The following GPM6A variants were observed in gnomAD, a reference collection of about 807,000 sequenced individuals.
GPM6A encodes the protein neuronal membrane glycoprotein M6-a.
A neutral mutation model predicts 32.1 loss-of-function variants in GPM6A; 7 were observed. The observed-to-expected ratio is 0.22, with a 90% CI of 0.12 to 0.41. The LOEUF (loss-of-function observed/expected upper bound fraction) is 0.41. Among genes scored for constraint, GPM6A ranks in the 10% least tolerant of loss-of-function variants. The pLI is 1.00. For missense variants in GPM6A, 235 were observed against 347.2 expected, an observed-to-expected ratio of 0.68 and a Z score of 2.57; for synonymous variants, 130 against 123.4, an observed-to-expected ratio of 1.05 and a Z score of -0.35.
intron 1 of GPM6A, among the ~76,000 whole-genome samples, chr4:175,864,317 T>C (rs1224379207): frequency 1.3e-5 from 2 of 152,064 alleles, no homozygotes; most frequent in Non-Finnish European, 2.9e-5. Flanking sequence ...CAGGAGCATG[T>C]CACCATGCTC....
intron 1 of GPM6A, among the ~76,000 whole-genome samples, chr4:175,778,946 A>T (rs890685851): frequency 6.6e-6 from 1 of 151,698 alleles, no homozygotes; most frequent in Non-Finnish European, 1.5e-5. Context: ...ATACATAAGT[A>T]TATATATCAA....
At chr4:175,869,643 A>G (rs994736269) in intron 1 of GPM6A, among the ~76,000 whole-genome samples, 1 of 151,964 alleles carries the variant, frequency 6.6e-6, no homozygotes, top group Non-Finnish European at 1.5e-5. Flanking sequence ...TGTAGTCTCA[A>G]CTATTCAGGA....
intron 1 of GPM6A, among the ~76,000 whole-genome samples, chr4:175,864,048 C>T (rs1736656471): frequency 1.3e-5 from 2 of 152,108 alleles, no homozygotes; most frequent in African/African-American, 2.4e-5. Flanking sequence ...CCATTGCCAA[C>T]ATGCTGTGCT....
chr4:175,765,085 G>A (rs1049667573), intron 1 of GPM6A, among the ~76,000 whole-genome samples: 1 of 151,922 alleles, frequency 6.6e-6, no homozygotes, highest in Non-Finnish European at 1.5e-5. Context: ...TGTTGGCCAG[G>A]CTGGTCTCGA....
chr4:175,726,415 A>G (rs1435099353), intron 1 of GPM6A, among the ~76,000 whole-genome samples: 3 of 152,190 alleles, frequency 2.0e-5, no homozygotes, highest in African/African-American at 2.4e-5. Flanking sequence ...TGTTTCCTTT[A>G]CCAAAAACTG....
In GPM6A at chr4:175,770,317, C is replaced by T. The variant is rs147650986; in HGVS notation, c.37+41874G>A. Among the ~76,000 whole-genome samples, 980 of 152,300 alleles carry T rather than the reference C, an allele frequency of 6.4e-3. 5 individuals are homozygous for T. The highest frequency in any genetic ancestry group is 9.3e-3 in the Non-Finnish European group (632 of 68,028). ...CTGGGGTTACAGGCGTGAGCCACTG[C>T]GCCTGGCCGATGCCTAGATTCTTTT... On this transcript the variant is annotated intron_variant, in intron 1 of 6. Coordinates refer to ENST00000393658, the MANE Select transcript of GPM6A (RefSeq NM_201591.3).
chr4:175,775,833 C>A (rs1177363625), intron 1 of GPM6A, among the ~76,000 whole-genome samples: 3 of 152,050 alleles, frequency 2.0e-5, no homozygotes, highest in Admixed American at 1.3e-4. Flanking sequence ...TTCTCTACCA[C>A]CTTGAATCAA....
intron 2 of GPM6A, among the ~76,000 whole-genome samples, chr4:175,693,749 T>G (rs1264677553): frequency 6.6e-6 from 1 of 152,222 alleles, no homozygotes; most frequent in Non-Finnish European, 1.5e-5. Context: ...TGTTCTTATT[T>G]ATAGATATGT....
intron 1 of GPM6A, among the ~76,000 whole-genome samples, chr4:175,972,295 ATTAT>A (rs999559165): frequency 2.0e-5 from 3 of 152,246 alleles, no homozygotes; most frequent in African/African-American, 7.2e-5. Context: ...AAAAATCCAA[ATTAT>A]TTATTTTGCT....
intron 1 of GPM6A, among the ~76,000 whole-genome samples, chr4:175,832,649 C>T (rs1242755039): frequency 6.6e-6 from 1 of 152,196 alleles, no homozygotes; most frequent in Non-Finnish European, 1.5e-5. Context: ...TTTTCACATA[C>T]TTGACAAATA....
At chr4:175,855,892 C>T (rs116544185) in intron 1 of GPM6A, among the ~76,000 whole-genome samples, 173 of 152,246 alleles carry the variant, frequency 1.1e-3, no homozygotes, top group African/African-American at 3.7e-3. Flanking sequence ...CAATGACACT[C>T]CGGCAACAAT....
intron 2 of GPM6A, among the ~76,000 whole-genome samples, chr4:175,674,329 C>T (rs758550816): frequency 6.6e-6 from 1 of 152,118 alleles, no homozygotes; most frequent in Non-Finnish European, 1.5e-5. Context: ...AGGCATGTGT[C>T]ACCATGCCCA....
chr4:175,836,221 A>G (rs1450430202), intron 1 of GPM6A, among the ~76,000 whole-genome samples: 31 of 151,788 alleles, frequency 2.0e-4, no homozygotes, highest in Admixed American at 2.0e-3. Context: ...CTCAACCTGG[A>G]GTGCACTTCT....
At chr4:175,837,510 C>T (rs975940767) in intron 1 of GPM6A, among the ~76,000 whole-genome samples, 1 of 152,110 alleles carries the variant, frequency 6.6e-6, no homozygotes, top group African/African-American at 2.4e-5. Context: ...ATGGATCCAA[C>T]CAAAAGAGGG....
intron 4 of GPM6A, among the ~76,000 whole-genome samples, chr4:175,644,846 C>A (rs1741363757): frequency 6.6e-6 from 1 of 152,144 alleles, no homozygotes; most frequent in Non-Finnish European, 1.5e-5. Flanking sequence ...GTGGCTCACG[C>A]CTGTAATCCC....
chr4:175,874,746 C>G (rs1323897952), intron 1 of GPM6A, among the ~76,000 whole-genome samples: 1 of 151,560 alleles, frequency 6.6e-6, no homozygotes, highest in African/African-American at 2.4e-5. Flanking sequence ...TAGATGGCAC[C>G]GAGAATGAGG....
chr4:175,936,261 G>A (rs1291645045), intron 1 of GPM6A, among the ~76,000 whole-genome samples: 4 of 117,838 alleles, frequency 3.4e-5, no homozygotes, highest in Admixed American at 1.1e-4. Flanking sequence ...AGCCAAGATC[G>A]CGCCACTGCA....
intron 1 of GPM6A, among the ~76,000 whole-genome samples, chr4:175,702,113 C>T (rs1322445962): frequency 1.3e-5 from 2 of 152,104 alleles, no homozygotes; most frequent in East Asian, 3.9e-4. Flanking sequence ...ATGTCACATG[C>T]TTATGGTTTT....
chr4:175,934,874 C>T (rs1211205574), intron 1 of GPM6A, among the ~76,000 whole-genome samples: 4 of 152,056 alleles, frequency 2.6e-5, no homozygotes, highest in Non-Finnish European at 5.9e-5. Flanking sequence ...TTTGAAATTG[C>T]CACCTACAAC....
Sources: gnomAD v4.1 joint callset for allele counts (sites outside exome capture counted in the v4.1 genomes callset) on GRCh38, gnomAD v4.1.1 for gene constraint, MANE v1.5 for transcripts, NCBI Gene and HGNC (gene_info 2026-07-23, HGNC 2026-07-21) for gene names.